The following ZNF114 variants were observed in gnomAD, a reference collection of about 807,000 sequenced individuals.
ZNF114 encodes the protein zinc finger protein 114, also known as zinc finger protein 114 (Y18).
Under a neutral mutation model 6.8 loss-of-function variants are expected in ZNF114, and 8 were observed. That is an observed-to-expected ratio of 1.18 (90% CI 0.69 to 2.13). ZNF114 has a LOEUF of 2.13. Among genes scored for constraint, ZNF114 ranks in the 30% most tolerant of loss-of-function variants. ZNF114 has a pLI of 0.00. For missense variants in ZNF114, 472 were observed against 519.5 expected (o/e 0.91, Z 0.89); for synonymous variants, 169 against 185.5 (o/e 0.91, Z 0.72).
Position 48,286,154 on chromosome 19 carries a change from A to G in ZNF114, c.530A>G (p.Asp177Gly). 1 of 1,614,218 alleles carries G rather than the reference A, an allele frequency of 6.2e-7. No homozygotes were observed. Among genetic ancestry groups the G allele is most frequent in the Non-Finnish European group, 8.5e-7 (1 of 1,180,046 alleles). ...SQKTHENNEDDGVLGWNIQWV... is the reference protein window; with the variant it reads ...SQKTHENNEDGGVLGWNIQWV... ...AAAACACATGAAAACAACGAAGACG[A>G]TGGAGTCTTGGGGTGGAACATTCAG... Residue 177 changes from aspartate to glycine, a missense_variant, in exon 6 of 6, where the codon GAT (aspartate) becomes GGT (glycine). Physicochemically the swap from Asp to Gly is moderately conservative, Grantham distance 94 (BLOSUM62 -1). Transcript: ENST00000595607.
chr19:48,273,978 T>C (rs1967754312), intron 3 of ZNF114, among the ~76,000 whole-genome samples: 2 of 151,480 alleles, frequency 1.3e-5, no homozygotes, highest in South Asian at 4.2e-4. Context: ...GGGATGATCT[T>C]GATCTCTTGA....
At chr19:48,272,395 G>A (rs1438417224) in intron 3 of ZNF114, among the ~76,000 whole-genome samples, 2 of 134,442 alleles carry the variant, frequency 1.5e-5, no homozygotes, top group African/African-American at 5.7e-5. Flanking sequence ...CTGGGCGACA[G>A]AGGGAGACTC....
chr19:48,277,795 GT>G (rs66996807), intron 3 of ZNF114, among the ~76,000 whole-genome samples: 4,114 of 24,670 alleles, frequency 0.17, 275 homozygotes, highest in East Asian at 0.55. Context: ...GAGGCATTGG[GT>G]GTGTGTGTGT....
chr19:48,280,652 A>T (rs1225339046), intron 4 of ZNF114, among the ~76,000 whole-genome samples: 1 of 150,522 alleles, frequency 6.6e-6, no homozygotes, highest in Non-Finnish European at 1.5e-5. Context: ...TTCCAGGTTC[A>T]AGTGATTCTC....
At chr19:48,280,526 C>G (rs1967961168) in intron 4 of ZNF114, among the ~76,000 whole-genome samples, 1 of 150,958 alleles carries the variant, frequency 6.6e-6, no homozygotes, top group Non-Finnish European at 1.5e-5. Context: ...AAGCAGTGGA[C>G]TGAGACGTGC....
In ZNF114 at chr19:48,286,290, G is replaced by C. The variant is rs1274785639; in HGVS notation, c.666G>C (p.Gln222His). The stretch of plus-strand genomic sequence containing the variant: ...TTGATACGGGGGCCAACAGGCACCA[G>C]CGGAATCCATTTGGAAAAGCTTTCC... The part of the protein sequence containing the change: ...DEIDTGANRH[Q>H]RNPFGKAFRE... The change falls in exon 6 of 6, where the codon CAG becomes CAC. Residue 222 changes from glutamine to histidine, a missense_variant. Transcript: ENST00000595607. 6.2e-7 allele frequency: 1 copy of C among 1,614,196 alleles called. No individual in the cohort carries two copies. Among genetic ancestry groups the C allele is most frequent in the East Asian group, 2.2e-5 (1 of 44,888 alleles).
chr19:48,285,690 GCC>G, intron 5 of ZNF114, 69 bp from the exon 6 acceptor site: 15 of 1,487,076 alleles, frequency 1.0e-5, no homozygotes, highest in Non-Finnish European at 1.4e-5. Context: ...CACGGAGATT[GCC>G]TATGTCATCA....
intron 5 of ZNF114, among the ~76,000 whole-genome samples, chr19:48,285,109 A>T (rs1156792914): frequency 6.6e-6 from 1 of 152,226 alleles, no homozygotes; most frequent in East Asian, 1.9e-4. Flanking sequence ...CATTCCTGAC[A>T]CTGCAGAATC....
chr19:48,286,956 G>C lies in ZNF114; in HGVS notation c.*78G>C. 1 of 1,449,864 alleles carries C rather than the reference G, an allele frequency of 6.9e-7. No individual in the cohort carries two copies. The allele number at this position is 1,449,864 out of a possible 1,614,324, so 89.8% of individuals were successfully genotyped here. A position where few individuals can be genotyped will look rare whatever the true frequency, so the allele number is the denominator to read the frequency against. On this transcript the variant is annotated 3_prime_UTR_variant, in exon 6 of 6. Coordinates refer to ENST00000595607, the MANE Select transcript of ZNF114 (RefSeq NM_153608.4). ...GAGGACATATTGGAAGGGAGCTCAA[G>C]GGGTTAGCATGAGTGAGAACATCTT...
chr19:48,279,014 A>G (rs1471163305), intron 3 of ZNF114, among the ~76,000 whole-genome samples: 1 of 152,080 alleles, frequency 6.6e-6, no homozygotes, highest in Non-Finnish European at 1.5e-5. Flanking sequence ...AGTGACTGCT[A>G]AGGGGGATGG....
chr19:48,273,851 G>A (rs1312842570), intron 3 of ZNF114, among the ~76,000 whole-genome samples: 5 of 148,138 alleles, frequency 3.4e-5, no homozygotes, highest in African/African-American at 1.2e-4. Context: ...TCCTCCTCCC[G>A]GGTTCTCGCC....
rs761128478 is a variant in ZNF114, at chr19:48,270,087, T to C, written c.-509T>C. 70 of 152,626 alleles carry C rather than the reference T, an allele frequency of 4.6e-4. No homozygotes were observed. The highest frequency in any genetic ancestry group is 8.3e-4 in the Non-Finnish European group (57 of 68,424). The allele number at this position is 152,626 out of a possible 1,614,324, so 9.5% of individuals were successfully genotyped here. A position where few individuals can be genotyped will look rare whatever the true frequency, so the allele number is the denominator to read the frequency against. On this transcript the variant is annotated 5_prime_UTR_variant, in exon 1 of 6. Transcript: ENST00000595607. ...CCCTCTCCTATCTCCCTTCGCTGAC[T>C]CTCTTTTCCAACTCAGCCCACTTGC...
chr19:48,284,534 G>C (rs1968069389), intron 5 of ZNF114, among the ~76,000 whole-genome samples: 1 of 152,148 alleles, frequency 6.6e-6, no homozygotes, highest in South Asian at 2.1e-4. Flanking sequence ...GGATTCAAGT[G>C]ATTCTCCTGC....
At position 48,287,005 on chromosome 19, in the gene ZNF114, A is replaced by C; in HGVS notation, c.*127A>C. 1 of 1,009,140 alleles carries C rather than the reference A, an allele frequency of 9.9e-7. No homozygotes were observed. The highest frequency in any genetic ancestry group is 1.4e-6 in the Non-Finnish European group (1 of 734,230). 62.5% of individuals were successfully genotyped at this position (1,009,140 alleles called of 1,614,324 possible). On this transcript the variant is annotated 3_prime_UTR_variant, in exon 6 of 6. Coordinates refer to ENST00000595607, the MANE Select transcript of ZNF114 (RefSeq NM_153608.4). ...TTCCCTGAACTCTCGTATCTTACAG[A>C]AATGTGAAAAAAAACCCTGTGAAGG...
intron 5 of ZNF114, among the ~76,000 whole-genome samples, chr19:48,283,797 G>A (rs180754904): frequency 7.9e-5 from 12 of 151,600 alleles, no homozygotes; most frequent in South Asian, 2.1e-4. Context: ...GCAGTGGCGC[G>A]ATCTCGGCTC....
chr19:48,278,624 G>A (rs772953622), intron 3 of ZNF114, among the ~76,000 whole-genome samples: 53 of 152,072 alleles, frequency 3.5e-4, no homozygotes, highest in Non-Finnish European at 6.5e-4. Flanking sequence ...TCAGTATTGG[G>A]TTGTCTCTAC....
At chr19:48,280,375 C>G (rs2147290683) in intron 4 of ZNF114, among the ~76,000 whole-genome samples, 1 of 152,066 alleles carries the variant, frequency 6.6e-6, no homozygotes, top group Admixed American at 6.6e-5. Context: ...CAGAGTAAGA[C>G]TGTCTCTAAA....
chr19:48,272,411 C>CA (rs199855031), intron 3 of ZNF114, among the ~76,000 whole-genome samples: 90,441 of 127,320 alleles, frequency 0.71, 32,099 homozygotes, highest in Non-Finnish European at 0.74. Flanking sequence ...GACTCTGTCT[C>CA]AAAAAAAAAA....
Position 48,282,376 on chromosome 19 carries a change from G to T in ZNF114, c.15G>T (p.Ser5=). The change falls in exon 5 of 6, where the codon TCG becomes TCT. Residue 5 remains serine, a synonymous_variant. Coordinates refer to ENST00000595607, the MANE Select transcript of ZNF114 (RefSeq NM_153608.4). ...AACTGCATGTGTTATTTTAGGACTC[G>T]GTGACCTTCGCAGACGTGGCTGTGA... MSQD[S]VTFADVAVNF... is the part of the protein sequence containing the mutation. The T allele has an allele frequency of 1.9e-6, 3 of 1,612,350 alleles. No individual in the cohort carries two copies. The highest frequency in any genetic ancestry group is 2.5e-6 in the Non-Finnish European group (3 of 1,179,192).
Sources: gnomAD v4.1 joint callset for allele counts (sites outside exome capture counted in the v4.1 genomes callset) on GRCh38, gnomAD v4.1.1 for gene constraint, MANE v1.5 for transcripts, NCBI Gene and HGNC (gene_info 2026-07-23, HGNC 2026-07-21) for gene names.